MCTP1: variants seen among roughly 807,000 people sequenced by gnomAD.
MCTP1 encodes multiple C2 and transmembrane domain containing 1, also known as multiple C2 and transmembrane domain-containing protein 1.
MCTP1 carries 69 observed loss-of-function variants against 120.6 expected under a neutral mutation model. That is an observed-to-expected ratio of 0.57 (90% CI 0.47 to 0.70). The LOEUF (loss-of-function observed/expected upper bound fraction) is 0.70. MCTP1 is among the 30% of genes least tolerant of loss of function. The pLI, the probability that MCTP1 is intolerant of heterozygous loss-of-function variation, is 0.00. For missense variants in MCTP1, 1,203 were observed against 1,248.8 expected, an observed-to-expected ratio of 0.96 and a Z score of 0.55; for synonymous variants, 529 against 493.1, an observed-to-expected ratio of 1.07 and a Z score of -0.96.
At chr5:94,722,608 CTTA>C (rs768357905) in intron 19 of MCTP1, among the ~76,000 whole-genome samples, 7 of 151,626 alleles carry the variant, frequency 4.6e-5, no homozygotes, top group Non-Finnish European at 1.0e-4. Flanking sequence ...ATATGGTCAC[CTTA>C]TTATTTCCTG....
chr5:94,828,145 G>A (rs765746646), intron 17 of MCTP1, among the ~76,000 whole-genome samples: 35 of 152,182 alleles, frequency 2.3e-4, no homozygotes, highest in Non-Finnish European at 4.3e-4. Flanking sequence ...GAGTTTTTGC[G>A]TGGTCATCCT....
At chr5:94,913,554 C>G (rs1189328036) in intron 8 of MCTP1, among the ~76,000 whole-genome samples, 1 of 152,056 alleles carries the variant, frequency 6.6e-6, no homozygotes, top group African/African-American at 2.4e-5. Flanking sequence ...AATCAATAAG[C>G]CCATCTAAGA....
chr5:94,734,977 C>G (rs1373416238), intron 19 of MCTP1, among the ~76,000 whole-genome samples: 1 of 151,910 alleles, frequency 6.6e-6, no homozygotes, highest in African/African-American at 2.4e-5. Context: ...CAGTTTTTTG[C>G]TACCACAAAA....
intron 22 of MCTP1, 91 bp from the exon 23 acceptor site, chr5:94,707,658 G>A (rs1202672859): frequency 1.0e-5 from 9 of 893,924 alleles, no homozygotes; most frequent in African/African-American, 8.4e-5. Context: ...GGTGCTTGGG[G>A]GAAGAAAGTG....
intron 1 of MCTP1, among the ~76,000 whole-genome samples, chr5:95,202,625 T>C (rs1247565974): frequency 1.3e-5 from 2 of 152,224 alleles, no homozygotes; most frequent in Non-Finnish European, 1.5e-5. Flanking sequence ...AAATTTCCCC[T>C]AGAAAGTATC....
intron 1 of MCTP1, among the ~76,000 whole-genome samples, chr5:95,065,854 A>C (rs1305987519): frequency 2.0e-5 from 3 of 152,208 alleles, no homozygotes; most frequent in Non-Finnish European, 4.4e-5. Context: ...ATATACAAAA[A>C]TCAACTGAAA....
chr5:94,763,413 TA>T (rs1771809861), intron 19 of MCTP1, among the ~76,000 whole-genome samples: 1 of 152,230 alleles, frequency 6.6e-6, no homozygotes, highest in Non-Finnish European at 1.5e-5. Flanking sequence ...TGATACTACA[TA>T]CTCCTTGATT....
chr5:94,794,458 G>A (rs1221960965), intron 18 of MCTP1, among the ~76,000 whole-genome samples: 1 of 152,208 alleles, frequency 6.6e-6, no homozygotes, highest in East Asian at 1.9e-4. Context: ...TTACAGGAAG[G>A]AATTTGGAGA....
chr5:95,262,861 A>T (rs909303539), intron 1 of MCTP1, among the ~76,000 whole-genome samples: 1 of 152,212 alleles, frequency 6.6e-6, no homozygotes, highest in East Asian at 1.9e-4. Context: ...TATATACTAC[A>T]TTAAAAATTA....
At chr5:94,930,480 G>A (rs1009563078) in intron 6 of MCTP1, among the ~76,000 whole-genome samples, 2 of 151,584 alleles carry the variant, frequency 1.3e-5, no homozygotes, top group Non-Finnish European at 2.9e-5. Context: ...CACCATGTTG[G>A]CCAGGCTGGT....
intron 1 of MCTP1, among the ~76,000 whole-genome samples, chr5:95,147,636 T>C (rs897102998): frequency 2.6e-5 from 4 of 152,176 alleles, no homozygotes; most frequent in African/African-American, 9.7e-5. Flanking sequence ...GACAGTTGGG[T>C]CTTATCTCTT....
intron 1 of MCTP1, among the ~76,000 whole-genome samples, chr5:95,167,960 A>C (rs1746653677): frequency 6.6e-6 from 1 of 152,180 alleles, no homozygotes; most frequent in Non-Finnish European, 1.5e-5. Flanking sequence ...TTAGACATGA[A>C]GTCCTTGCCC....
At chr5:95,202,967 G>A (rs1160331700) in intron 1 of MCTP1, among the ~76,000 whole-genome samples, 2 of 152,150 alleles carry the variant, frequency 1.3e-5, no homozygotes, top group African/African-American at 4.8e-5. Context: ...GACCTCAGGT[G>A]ATCCACCCAC....
chr5:95,120,017 A>G (rs1758091721), intron 1 of MCTP1, among the ~76,000 whole-genome samples: 1 of 151,972 alleles, frequency 6.6e-6, no homozygotes, highest in Admixed American at 6.6e-5. Flanking sequence ...CTAAAAAAAA[A>G]TACAAAAAAA....
At chr5:95,261,002 ACACATATTATG>A in intron 1 of MCTP1, among the ~76,000 whole-genome samples, 1 of 152,326 alleles carries the variant, frequency 6.6e-6, no homozygotes, top group African/African-American at 2.4e-5. Context: ...AGTTAAAATA[ACACATATTATG>A]CACAGTAGCT....
intron 2 of MCTP1, among the ~76,000 whole-genome samples, chr5:94,994,384 C>T (rs1832200062): frequency 6.6e-6 from 1 of 152,154 alleles, no homozygotes; most frequent in African/African-American, 2.4e-5. Context: ...AGCTGTGTTA[C>T]TAGAGTGTGA....
chr5:94,872,565 G>C (rs188024696), intron 13 of MCTP1, among the ~76,000 whole-genome samples: 1 of 152,140 alleles, frequency 6.6e-6, no homozygotes, highest in Middle Eastern at 3.4e-3. Context: ...TTAAAAAACC[G>C]AACTTAGGAG....
chr5:94,809,094 C>A (rs1045486615), intron 17 of MCTP1, among the ~76,000 whole-genome samples: 21 of 151,968 alleles, frequency 1.4e-4, no homozygotes, highest in African/African-American at 5.1e-4. Flanking sequence ...CACAAAAGCA[C>A]CTAGTGAAGA....
chr5:95,083,997 A>C (rs1042431701), intron 1 of MCTP1, among the ~76,000 whole-genome samples: 1 of 152,178 alleles, frequency 6.6e-6, no homozygotes, highest in Non-Finnish European at 1.5e-5. Flanking sequence ...ATATTGCAGA[A>C]AAATATATTA....
Sources: gnomAD v4.1 joint callset for allele counts (sites outside exome capture counted in the v4.1 genomes callset) on GRCh38, gnomAD v4.1.1 for gene constraint, MANE v1.5 for transcripts, NCBI Gene and HGNC (gene_info 2026-07-23, HGNC 2026-07-21) for gene names.